ZNF385D: variants seen among roughly 807,000 people sequenced by gnomAD.
ZNF385D encodes the protein zinc finger protein 385D.
In ZNF385D, 15 loss-of-function variants were observed where a neutral mutation model predicts 35.8. The observed-to-expected ratio is 0.42, with a 90% confidence interval of 0.28 to 0.64. The LOEUF is 0.64. Ranked by LOEUF, ZNF385D falls within the 30% of genes least tolerant of loss-of-function variation. The pLI, the probability that ZNF385D is intolerant of heterozygous loss-of-function variation, is 0.23. For synonymous variants in ZNF385D, 212 were observed against 186.8 expected (o/e 1.13, Z -1.10); for missense variants, 474 against 494.6 (o/e 0.96, Z 0.39).
At chr3:21,682,226 T>C (rs1575452587) in intron 1 of ZNF385D, among the ~76,000 whole-genome samples, 6 of 133,090 alleles carry the variant, frequency 4.5e-5, no homozygotes, top group South Asian at 2.4e-4. Context: ...AGCTTTGTCC[T>C]TTTAAGTTAG....
At chr3:21,851,268 G>T (rs1696369362) in intron 3 of ZNF385D, among the ~76,000 whole-genome samples, 1 of 151,988 alleles carries the variant, frequency 6.6e-6, no homozygotes, top group Non-Finnish European at 1.5e-5. Context: ...TTTGATGAAA[G>T]CAACTACAGG....
chr3:21,659,841 C>A (rs956565994), intron 2 of ZNF385D, among the ~76,000 whole-genome samples: 1 of 151,792 alleles, frequency 6.6e-6, no homozygotes, highest in Non-Finnish European at 1.5e-5. Context: ...TTTCTCCTGC[C>A]TTCCCCTCCC....
chr3:22,039,255 CAAAA>C (rs376799573), intron 3 of ZNF385D, among the ~76,000 whole-genome samples: 9 of 104,098 alleles, frequency 8.6e-5, no homozygotes, highest in Middle Eastern at 4.2e-3. Context: ...TAATCCAAGC[CAAAA>C]AAAAAAAAAA....
chr3:21,471,274 TTC>T (rs1292529107), intron 4 of ZNF385D, among the ~76,000 whole-genome samples: 1,248 of 104,726 alleles, frequency 0.012, 36 homozygotes, highest in African/African-American at 0.044. Context: ...CTCTCTCTCT[TTC>T]TCTCTCTCTC....
At chr3:21,988,782 G>T (rs1049689741) in intron 3 of ZNF385D, among the ~76,000 whole-genome samples, 1 of 152,012 alleles carries the variant, frequency 6.6e-6, no homozygotes, top group Non-Finnish European at 1.5e-5. Context: ...CTGCCGCTTT[G>T]CAGTTTGATC....
chr3:22,260,157 CTG>C (rs10609524), intron 2 of ZNF385D, among the ~76,000 whole-genome samples: 3,051 of 151,932 alleles, frequency 0.02, 94 homozygotes, highest in African/African-American at 0.069. Flanking sequence ...TTAAAGGAAA[CTG>C]AAATAATATT....
At chr3:21,953,715 A>AT (rs917058457) in intron 3 of ZNF385D, among the ~76,000 whole-genome samples, 4 of 152,004 alleles carry the variant, frequency 2.6e-5, no homozygotes, top group Non-Finnish European at 4.4e-5. Flanking sequence ...CCAGCCATCC[A>AT]TTTTTTTAAT....
chr3:21,436,790 C>G (rs777130216), intron 5 of ZNF385D, 180 bp downstream of exon 5: 1 of 629,438 alleles, frequency 1.6e-6, no homozygotes, highest in Non-Finnish European at 2.7e-6. Context: ...GGAAACCACC[C>G]CTTGCCCCTA....
intron 3 of ZNF385D, chr3:21,849,638 C>T (rs543241348): frequency 7.1e-4 from 37 of 52,102 alleles, no homozygotes; most frequent in South Asian, 1.3e-3. Flanking sequence ...CTACCACCAT[C>T]GCTCTACACA....
intron 3 of ZNF385D, among the ~76,000 whole-genome samples, chr3:21,767,873 T>C (rs1559603013): frequency 6.6e-6 from 1 of 152,108 alleles, no homozygotes; most frequent in Non-Finnish European, 1.5e-5. Flanking sequence ...AGAATGCATG[T>C]AGTATTTTAT....
At chr3:22,353,627 T>A (rs2125500317) in intron 2 of ZNF385D, among the ~76,000 whole-genome samples, 1 of 152,284 alleles carries the variant, frequency 6.6e-6, no homozygotes, top group African/African-American at 2.4e-5. Context: ...CTTCAAAATT[T>A]TAGATCTTGT....
chr3:21,805,946 T>G (rs1214360391), intron 3 of ZNF385D, among the ~76,000 whole-genome samples: 1 of 152,202 alleles, frequency 6.6e-6, no homozygotes, highest in Non-Finnish European at 1.5e-5. Context: ...GATGGCAATC[T>G]GGGAGAGGTC....
chr3:21,652,662 C>G (rs576420581), intron 2 of ZNF385D, among the ~76,000 whole-genome samples: 67 of 138,324 alleles, frequency 4.8e-4, no homozygotes, highest in South Asian at 1.0e-3. Context: ...GTGTGATGTT[C>G]CCCTTCCTGT....
intron 3 of ZNF385D, among the ~76,000 whole-genome samples, chr3:21,908,158 CTA>C (rs778882098): frequency 0.012 from 1,296 of 112,400 alleles, 5 homozygotes; most frequent in South Asian, 0.048. Context: ...ATCTATCTAT[CTA>C]TCTATCTATC....
At chr3:22,041,171 T>C (rs527385099) in intron 3 of ZNF385D, among the ~76,000 whole-genome samples, 1 of 140,226 alleles carries the variant, frequency 7.1e-6, no homozygotes, top group East Asian at 2.3e-4. Flanking sequence ...GGTTGATATT[T>C]TACCCCTCTC....
Position 21,417,582 on chromosome 3 carries a change from A to C in ZNF385D, c.*3632T>G, listed in dbSNP as rs1700579665. On this transcript the variant is annotated 3_prime_UTR_variant, in exon 8 of 8. Coordinates refer to ENST00000281523, the MANE Select transcript of ZNF385D (RefSeq NM_024697.3). ...GAAACATTACACTGGTACAAAGACA[A>C]AGATATTAATTTAAAATTTAATTGT... 1 of 152,150 alleles carries C rather than the reference A, an allele frequency of 6.6e-6. No homozygotes were observed. The allele number at this position is 152,150 out of a possible 1,614,324, so 9.4% of individuals were successfully genotyped here. A position where few individuals can be genotyped will look rare whatever the true frequency, so the allele number is the denominator to read the frequency against.
At chr3:22,116,513 G>A (rs939970298) in intron 3 of ZNF385D, among the ~76,000 whole-genome samples, 4 of 151,792 alleles carry the variant, frequency 2.6e-5, no homozygotes, top group Non-Finnish European at 2.9e-5. Flanking sequence ...AGTAAAAGTG[G>A]GTGAAGAAAA....
chr3:22,234,010 A>T (rs1699039071), intron 2 of ZNF385D, among the ~76,000 whole-genome samples: 2 of 152,220 alleles, frequency 1.3e-5, no homozygotes, highest in South Asian at 4.1e-4. Context: ...TTGAAAACAA[A>T]TCTACTCTAC....
At chr3:22,220,178 C>T (rs1698167294) in intron 2 of ZNF385D, among the ~76,000 whole-genome samples, 1 of 151,886 alleles carries the variant, frequency 6.6e-6, no homozygotes, top group African/African-American at 2.4e-5. Flanking sequence ...ATCCTCCCAC[C>T]TCAGCCACCT....
Sources: allele counts gnomAD v4.1 joint callset (sites outside exome capture counted in the v4.1 genomes callset), GRCh38; gene constraint gnomAD v4.1.1; transcripts MANE v1.5; gene names NCBI Gene and HGNC (gene_info 2026-07-23, HGNC 2026-07-21).